Variants in TSPAN18 observed in about 807,000 individuals in gnomAD.
TSPAN18 encodes the protein tetraspanin 18.
TSPAN18 carries 14 observed loss-of-function variants against 27.3 expected under a neutral mutation model. The ratio of observed to expected loss-of-function variants is 0.51; its 90% CI spans 0.34 to 0.80. The LOEUF (loss-of-function observed/expected upper bound fraction) is 0.80, where lower values mean the gene tolerates loss of function less well. TSPAN18 is among the 30% of genes least tolerant of loss of function. The pLI is 0.01. For missense variants in TSPAN18, 268 were observed against 323.9 expected (o/e 0.83, Z 1.32); for synonymous variants, 143 against 136.5 (o/e 1.05, Z -0.33).
At chr11:44,799,068 C>T (rs1294487316) in intron 2 of TSPAN18, among the ~76,000 whole-genome samples, 1 of 150,458 alleles carries the variant, frequency 6.6e-6, no homozygotes, top group Non-Finnish European at 1.5e-5. Context: ...CCTTGCCCTC[C>T]CTTGTTTTTT....
chr11:44,811,954 G>A (rs1161317525), intron 2 of TSPAN18, among the ~76,000 whole-genome samples: 1 of 152,242 alleles, frequency 6.6e-6, no homozygotes, highest in Non-Finnish European at 1.5e-5. Context: ...CGGGATGACA[G>A]CTGTCCCAGT....
chr11:44,740,442 G>A (rs1854906078), intron 1 of TSPAN18, among the ~76,000 whole-genome samples: 1 of 152,224 alleles, frequency 6.6e-6, no homozygotes. Flanking sequence ...TGTGTCCTGT[G>A]AGAGGGCAGG....
chr11:44,849,404 G>A (rs371782599), intron 2 of TSPAN18, among the ~76,000 whole-genome samples: 82 of 152,334 alleles, frequency 5.4e-4, no homozygotes, highest in Middle Eastern at 3.4e-3. Context: ...AAGCAAGGGT[G>A]AGGTTTAAGA....
chr11:44,873,901 G>A (rs865814403), intron 3 of TSPAN18, among the ~76,000 whole-genome samples: 16 of 152,178 alleles, frequency 1.1e-4, no homozygotes, highest in African/African-American at 3.6e-4. Flanking sequence ...GCCCCTCAGG[G>A]GGCTTATATG....
intron 1 of TSPAN18, among the ~76,000 whole-genome samples, chr11:44,763,736 A>G (rs715059): frequency 0.18 from 27,337 of 152,046 alleles, 3,590 homozygotes; most frequent in East Asian, 0.7. Context: ...TCACATGGAT[A>G]TATAGGCTCC....
At chr11:44,861,669 C>A (rs1329664361) in intron 3 of TSPAN18, among the ~76,000 whole-genome samples, 1 of 151,586 alleles carries the variant, frequency 6.6e-6, no homozygotes, top group Admixed American at 6.6e-5. Context: ...GAGTCGGGGG[C>A]GATGAAGCAC....
At chr11:44,909,682 A>G (rs368667508) in intron 4 of TSPAN18, 23 bp from the exon 5 acceptor site, 36 of 1,597,222 alleles carry the variant, frequency 2.3e-5, no homozygotes, top group Non-Finnish European at 3.0e-5. Context: ...TTCTCCTCCC[A>G]ACTCCTCCAC....
intron 3 of TSPAN18, among the ~76,000 whole-genome samples, chr11:44,871,083 C>T (rs1446184041): frequency 6.6e-6 from 1 of 152,174 alleles, no homozygotes; most frequent in Admixed American, 6.5e-5. Context: ...CTCTTAACTG[C>T]CAGCTCTTAA....
chr11:44,745,085 TCA>T (rs1855040286), intron 1 of TSPAN18, among the ~76,000 whole-genome samples: 1 of 152,200 alleles, frequency 6.6e-6, no homozygotes, highest in African/African-American at 2.4e-5. Flanking sequence ...GAATGCCCTG[TCA>T]CTGGCTTTGT....
intron 2 of TSPAN18, among the ~76,000 whole-genome samples, chr11:44,808,652 G>A (rs1856652395): frequency 6.6e-6 from 1 of 152,148 alleles, no homozygotes; most frequent in African/African-American, 2.4e-5. Context: ...AAAGCAATTT[G>A]AACATGAAGT....
At chr11:44,898,311 T>C (rs1363753970) in intron 3 of TSPAN18, among the ~76,000 whole-genome samples, 2 of 152,216 alleles carry the variant, frequency 1.3e-5, no homozygotes, top group Admixed American at 6.5e-5. Flanking sequence ...GGCCTCAGTT[T>C]TCTCATTTCC....
chr11:44,811,171 CA>C (rs1565160296), intron 2 of TSPAN18, among the ~76,000 whole-genome samples: 40 of 143,070 alleles, frequency 2.8e-4, no homozygotes, highest in African/African-American at 7.6e-4. Context: ...CACACACACA[CA>C]CACCCCTGCC....
chr11:44,740,555 C>A (rs141670255), intron 1 of TSPAN18, among the ~76,000 whole-genome samples: 2 of 152,114 alleles, frequency 1.3e-5, no homozygotes, highest in Non-Finnish European at 2.9e-5. Context: ...CTGATGGGGA[C>A]GTAGTGGCCG....
In TSPAN18 at chr11:44,906,425, C is replaced by A; in HGVS notation, c.9C>A (p.Gly3=). The A allele has an allele frequency of 6.2e-7, 1 of 1,614,122 alleles. No homozygotes were observed. Among genetic ancestry groups the A allele is most frequent in the Middle Eastern group, 1.6e-4 (1 of 6,062 alleles). The part of the protein sequence containing the change: ME[G]DCLSCMKYLM... Reference sequence around the variant, plus strand: ...TTTCTAGGTGGAGCACCATGGAAGGCGACTGTCTGAGCTGCATGAAGTATC... The same window carrying A: ...TTTCTAGGTGGAGCACCATGGAAGGAGACTGTCTGAGCTGCATGAAGTATC... The change falls in exon 4 of 10, where the codon GGC becomes GGA. Residue 3 remains glycine, a synonymous_variant. Coordinates refer to ENST00000520358, the MANE Select transcript of TSPAN18 (RefSeq NM_130783.5).
intron 6 of TSPAN18, among the ~76,000 whole-genome samples, 198 bp downstream of exon 6, chr11:44,918,244 G>A (rs1224243579): frequency 6.6e-6 from 1 of 152,198 alleles, no homozygotes; most frequent in Non-Finnish European, 1.5e-5. Flanking sequence ...GCCTGTTCCT[G>A]CAAGGGCTTT....
chr11:44,761,315 TA>T (rs1467480934), intron 1 of TSPAN18, among the ~76,000 whole-genome samples: 1 of 152,184 alleles, frequency 6.6e-6, no homozygotes, highest in Non-Finnish European at 1.5e-5. Context: ...CTCTTAGCCC[TA>T]AACCTTGGGA....
chr11:44,929,256 C>A lies in TSPAN18; in HGVS notation c.*78C>A, dbSNP rs1860483114. ...CAGTGTCCTCCCGTGCCCCTCCCCG[C>A]TGTCCTCTTGGCCCCAGGGGAGAAG... On this transcript the variant is annotated 3_prime_UTR_variant, in exon 10 of 10. Coordinates refer to ENST00000520358, the MANE Select transcript of TSPAN18 (RefSeq NM_130783.5). 4 of 1,576,180 alleles carry A rather than the reference C, an allele frequency of 2.5e-6. No individual in the cohort carries two copies. The South Asian group carries it at 3.3e-5, about 13-fold the overall frequency.
chr11:44,802,326 G>A (rs1023720638), intron 2 of TSPAN18, among the ~76,000 whole-genome samples: 2 of 152,024 alleles, frequency 1.3e-5, no homozygotes, highest in African/African-American at 4.8e-5. Flanking sequence ...GAGGTGGGTG[G>A]GGGGAGAGCT....
chr11:44,880,076 A>G (rs534159886), intron 3 of TSPAN18, among the ~76,000 whole-genome samples: 8 of 152,324 alleles, frequency 5.3e-5, no homozygotes, highest in African/African-American at 1.9e-4. Context: ...CCTTTCTGGA[A>G]TCCTGGCCTG....
Sources: allele counts gnomAD v4.1 joint callset (sites outside exome capture counted in the v4.1 genomes callset), GRCh38; gene constraint gnomAD v4.1.1; transcripts MANE v1.5; gene names NCBI Gene and HGNC (gene_info 2026-07-23, HGNC 2026-07-21).